Variants in EFEMP1 observed in about 807,000 individuals in gnomAD.
EFEMP1 encodes the protein EGF-like fibulin extracellular matrix protein 1.
A neutral mutation model predicts 65.7 loss-of-function variants in EFEMP1; 18 were observed. The ratio of observed to expected loss-of-function variants is 0.27; its 90% CI spans 0.19 to 0.41. The LOEUF is 0.41. Ranked by LOEUF, EFEMP1 falls within the 10% of genes least tolerant of loss-of-function variation. EFEMP1 has a pLI of 1.00. For missense variants in EFEMP1, 469 were observed against 624.8 expected (o/e 0.75, Z 2.66); for synonymous variants, 237 against 219.7 (o/e 1.08, Z -0.70).
At chr2:55,914,769 A>G (rs1434108137) in intron 5 of EFEMP1, among the ~76,000 whole-genome samples, 10 of 152,252 alleles carry the variant, frequency 6.6e-5, no homozygotes, top group South Asian at 4.1e-4. Context: ...ATTACTGGGC[A>G]TAAATATGCA....
At position 55,873,339 on chromosome 2, in the gene EFEMP1, A is replaced by G. The variant is rs1668895052; in HGVS notation, c.1000+1607T>C. Among the ~76,000 whole-genome samples the G allele has an allele frequency of 2.0e-5, 3 of 152,078 alleles. No homozygotes were observed. The highest frequency in any genetic ancestry group is 2.0e-4 in the Admixed American group (3 of 15,258). On this transcript the variant is annotated intron_variant, in intron 9 of 11. Coordinates refer to ENST00000355426, the MANE Select transcript of EFEMP1 (RefSeq NM_001039348.3). The surrounding 1 kb of genome is among the most constrained non-coding windows in gnomAD (Gnocchi z 4.6). Reference sequence around the variant, plus strand: ...CATTCTGAAGCTGCATATCTTCAATATATAACATTTAGGAATCCCCCACTT... The same window carrying G: ...CATTCTGAAGCTGCATATCTTCAATGTATAACATTTAGGAATCCCCCACTT...
chr2:55,892,041 A>G (rs1669645099), intron 5 of EFEMP1, among the ~76,000 whole-genome samples: 1 of 152,140 alleles, frequency 6.6e-6, no homozygotes, highest in Non-Finnish European at 1.5e-5. Context: ...ACAGCATTCA[A>G]ATAACTCCTG....
chr2:55,881,489 A>C (rs1395855077), intron 6 of EFEMP1, 123 bp downstream of exon 6: 8 of 1,297,264 alleles, frequency 6.2e-6, no homozygotes, highest in Admixed American at 1.9e-5. Flanking sequence ...TAGTCTATAA[A>C]AAAATAAGGA....
At chr2:55,912,406 A>C (rs1670509987) in intron 5 of EFEMP1, among the ~76,000 whole-genome samples, 1 of 152,212 alleles carries the variant, frequency 6.6e-6, no homozygotes, top group Non-Finnish European at 1.5e-5. Flanking sequence ...ATGATTTTCT[A>C]ATTCTCTTCT....
At position 55,871,544 on chromosome 2, in the gene EFEMP1, T is replaced by A. The variant is rs569695523; in HGVS notation, c.1001-421A>T. Among the ~76,000 whole-genome samples the A allele has an allele frequency of 2.6e-5, 4 of 152,044 alleles. No homozygotes were observed. The highest frequency in any genetic ancestry group is 9.6e-5 in the African/African-American group (4 of 41,500). On this transcript the variant is annotated intron_variant, in intron 9 of 11. Coordinates refer to ENST00000355426, the MANE Select transcript of EFEMP1 (RefSeq NM_001039348.3). The surrounding 1 kb of genome is among the most constrained non-coding windows in gnomAD (Gnocchi z 4.2). ...CTGGGGCATGTGGAGCAGAGTTGGGTAATTTTGCCAGGGGGATTAGGGAAG... is the reference window on the plus strand; with the variant it reads ...CTGGGGCATGTGGAGCAGAGTTGGGAAATTTTGCCAGGGGGATTAGGGAAG...
In EFEMP1 at chr2:55,917,756, G is replaced by A. The variant is rs756850765; in HGVS notation, c.426C>T (p.Asn142=). The change falls in exon 5 of 12, where the codon AAC becomes AAT. Residue 142 remains asparagine (N), a synonymous_variant. Coordinates refer to ENST00000355426, the MANE Select transcript of EFEMP1 (RefSeq NM_001039348.3). This position sits in a 1 kb window ranked among gnomAD's most constrained non-coding sequence, Gnocchi z 6.3. The part of the protein sequence containing the change: ...TGRNNFVIRR[N]PADPQRIPSN... ...AGGGAATGCGCTGAGGGTCAGCTGGGTTCCGCCGGATGACAAAGTTATTTC... is the reference window on the plus strand; with the variant it reads ...AGGGAATGCGCTGAGGGTCAGCTGGATTCCGCCGGATGACAAAGTTATTTC... 2.0e-5 allele frequency: 33 copies of A among 1,614,070 alleles called. No homozygotes were observed. The highest frequency in any genetic ancestry group is 1.6e-4 in the Middle Eastern group (1 of 6,084).
At chr2:55,904,894 A>G (rs866573383) in intron 5 of EFEMP1, among the ~76,000 whole-genome samples, 1 of 151,374 alleles carries the variant, frequency 6.6e-6, no homozygotes, top group Middle Eastern at 3.4e-3. Flanking sequence ...TTTCCTGGAG[A>G]ACCTTGACTA....
intron 8 of EFEMP1, 60 bp from the exon 9 acceptor site, chr2:55,875,125 GATATATATAT>G: frequency 1.3e-6 from 1 of 778,876 alleles, no homozygotes; most frequent in Non-Finnish European, 1.9e-6. Context: ...CACTACTTTG[GATATATATAT>G]ATATATAAAT....
At chr2:55,888,491 C>G (rs1459867155) in intron 5 of EFEMP1, among the ~76,000 whole-genome samples, 1 of 151,930 alleles carries the variant, frequency 6.6e-6, no homozygotes, top group Non-Finnish European at 1.5e-5. Context: ...GCGCCCACCA[C>G]CATGCCTGGC....
At chr2:55,879,012 T>G (rs1669139298) in intron 6 of EFEMP1, among the ~76,000 whole-genome samples, 1 of 152,214 alleles carries the variant, frequency 6.6e-6, no homozygotes, top group African/African-American at 2.4e-5. Flanking sequence ...CATTCAAATG[T>G]CACCTCCTCA....
At chr2:55,911,662 G>T (rs1405175644) in intron 5 of EFEMP1, among the ~76,000 whole-genome samples, 1 of 152,090 alleles carries the variant, frequency 6.6e-6, no homozygotes, top group Non-Finnish European at 1.5e-5. Flanking sequence ...TAAGTTACCT[G>T]ATGATGCTTG....
At chr2:55,895,400 C>T (rs958405066) in intron 5 of EFEMP1, among the ~76,000 whole-genome samples, 5 of 152,208 alleles carry the variant, frequency 3.3e-5, no homozygotes, top group Non-Finnish European at 7.3e-5. Flanking sequence ...ATTCTTGCCA[C>T]TTGTCTGCCT....
chr2:55,904,518 A>G (rs1051099329), intron 5 of EFEMP1, among the ~76,000 whole-genome samples: 3 of 152,240 alleles, frequency 2.0e-5, no homozygotes, highest in African/African-American at 7.2e-5. Context: ...GATGGCCCTC[A>G]CCAAAGCAGG....
In EFEMP1 at chr2:55,870,584, C is replaced by T; in HGVS notation, c.1320+136G>A. The T allele has an allele frequency of 4.9e-6, 5 of 1,021,240 alleles. No homozygotes were observed. Among genetic ancestry groups the T allele is most frequent in the South Asian group, 1.3e-5 (1 of 74,654 alleles). 63.3% of individuals were successfully genotyped at this position (1,021,240 alleles called of 1,614,324 possible). On this transcript the variant is annotated intron_variant, in intron 11 of 11. Transcript: ENST00000355426. This position sits in a 1 kb window ranked among gnomAD's most constrained non-coding sequence, Gnocchi z 5.8. ...GAAATAATGTAGCTGGAAGGCCTTA[C>T]ACAATGCCTACACATAAGACACTTT...
In EFEMP1 at chr2:55,866,243, A is replaced by G. The variant is rs1284467707; in HGVS notation, c.*830T>C. On this transcript the variant is annotated 3_prime_UTR_variant, in exon 12 of 12. Transcript: ENST00000355426. ...GAAATTAAAACTTCTCCAGTGAAAT[A>G]CCTTTTATCCATTTTGTTCTGCATC... 4 of 152,218 alleles carry G rather than the reference A, an allele frequency of 2.6e-5. No homozygotes were observed. The highest frequency in any genetic ancestry group is 4.8e-5 in the African/African-American group (2 of 41,456). 9.4% of individuals were successfully genotyped at this position (152,218 alleles called of 1,614,324 possible). A position where few individuals can be genotyped will look rare whatever the true frequency, so the allele number is the denominator to read the frequency against.
intron 9 of EFEMP1, among the ~76,000 whole-genome samples, chr2:55,872,069 T>C (rs181429603): frequency 1.5e-3 from 221 of 151,862 alleles, no homozygotes; most frequent in Middle Eastern, 3.4e-3. Flanking sequence ...ATTACATTTA[T>C]AACAACAACA....
At chr2:55,896,814 A>G (rs958496591) in intron 5 of EFEMP1, among the ~76,000 whole-genome samples, 2 of 152,364 alleles carry the variant, frequency 1.3e-5, no homozygotes, top group East Asian at 3.9e-4. Context: ...TTCATTTTGT[A>G]TAAATGGAAG....
rs142273118 is a variant in EFEMP1 at position 55,909,997 on chromosome 2, G to T, written c.517+7668C>A. 2.1e-4 allele frequency among the ~76,000 whole-genome samples: 32 copies of T among 152,228 alleles called. No homozygotes were observed. In the East Asian group the frequency reaches 6.0e-3, roughly 28 times the overall value. ...ATGTTCCATTTGATCAATTTCACTT[G>T]CAATACTGCCTAGTTACCCTGGATG... On this transcript the variant is annotated intron_variant, in intron 5 of 11. Coordinates refer to ENST00000355426, the MANE Select transcript of EFEMP1 (RefSeq NM_001039348.3).
intron 8 of EFEMP1, 112 bp downstream of exon 8, chr2:55,876,511 A>G: frequency 6.8e-7 from 1 of 1,480,446 alleles, no homozygotes; most frequent in South Asian, 1.2e-5. Flanking sequence ...GGATTTTAGA[A>G]CAGAATTCCC....
Sources: allele counts gnomAD v4.1 joint callset (sites outside exome capture counted in the v4.1 genomes callset), GRCh38; gene constraint gnomAD v4.1.1; non-coding constraint Gnocchi (gnomAD v3.1); transcripts MANE v1.5; gene names NCBI Gene and HGNC (gene_info 2026-07-23, HGNC 2026-07-21).